The following PTPRK variants were observed in gnomAD, a reference collection of about 807,000 sequenced individuals.
The protein encoded by PTPRK is protein tyrosine phosphatase receptor type K.
PTPRK carries 75 observed loss-of-function variants against 178.0 expected under a neutral mutation model. The ratio of observed to expected loss-of-function variants is 0.42; its 90% CI spans 0.35 to 0.51. The LOEUF is 0.51. Among genes scored for constraint, PTPRK ranks in the 20% least tolerant of loss-of-function variants. The pLI is 0.02. For synonymous variants in PTPRK, 637 were observed against 620.6 expected (o/e 1.03, Z -0.39); for missense variants, 1,441 against 1,797.8 (o/e 0.80, Z 3.59).
chr6:128,326,904 GTAAA>G (rs1829658428), intron 2 of PTPRK, among the ~76,000 whole-genome samples: 1 of 151,830 alleles, frequency 6.6e-6, no homozygotes. Context: ...ATGATAAATA[GTAAA>G]TAAACACAAG....
chr6:128,220,219 T>G (rs1010788929), intron 5 of PTPRK, among the ~76,000 whole-genome samples: 1 of 151,962 alleles, frequency 6.6e-6, no homozygotes, highest in African/African-American at 2.4e-5. Context: ...GAAATACCCA[T>G]CAAGGAATAA....
chr6:128,131,611 C>A (rs1035182221), intron 7 of PTPRK, among the ~76,000 whole-genome samples: 5 of 152,178 alleles, frequency 3.3e-5, no homozygotes, highest in Non-Finnish European at 5.9e-5. Context: ...GTCCCTCTGA[C>A]CAGAAGTAAA....
Position 128,211,013 on chromosome 6 carries a change from G to T in PTPRK, c.868+7909C>A, listed in dbSNP as rs142839074. ...TAGGGCTCAGAAAACAGAAACTGGA[G>T]AGCAAAAGAAAGTTATGTGCCTATA... On this transcript the variant is annotated intron_variant, in intron 6 of 29. Transcript: ENST00000368226. Among the ~76,000 whole-genome samples, 514 of 152,178 alleles carry T rather than the reference G, an allele frequency of 3.4e-3. 2 individuals carry two copies. Among genetic ancestry groups the T allele is most frequent in the African/African-American group, 0.012 (483 of 41,542 alleles).
chr6:128,006,031 G>A lies in PTPRK; in HGVS notation c.2334-787C>T, dbSNP rs375714285. On this transcript the variant is annotated intron_variant, in intron 14 of 29. Transcript: ENST00000368226. ...ATCACCCATTTTCTACTTACAGGTA[G>A]TAGGAGTAAGAATAGTAGCTCCTCC... 3.5e-3 allele frequency: 5,418 copies of A among 1,566,740 alleles called. 22 individuals are homozygous for A. The highest frequency in any genetic ancestry group is 4.2e-3 in the Non-Finnish European group (4,803 of 1,147,024).
Position 128,048,454 on chromosome 6 carries a change from C to T in PTPRK, c.2194+16304G>A, listed in dbSNP as rs117801714. The stretch of plus-strand genomic sequence containing the variant: ...TTCCCTCTGCCTCTAATGCTCCTGC[C>T]CTACATGGGTGATGCCCTCATTCCC... On this transcript the variant is annotated intron_variant, in intron 13 of 29. Coordinates refer to ENST00000368226, the MANE Select transcript of PTPRK (RefSeq NM_002844.4). Among the ~76,000 whole-genome samples the T allele has an allele frequency of 3.4e-3, 522 of 152,240 alleles. 3 individuals carry two copies. Among genetic ancestry groups the T allele is most frequent in the African/African-American group, 0.011 (465 of 41,514 alleles).
At chr6:128,277,555 C>T (rs759500656) in intron 3 of PTPRK, among the ~76,000 whole-genome samples, 6 of 152,076 alleles carry the variant, frequency 3.9e-5, no homozygotes, top group Non-Finnish European at 8.8e-5. Flanking sequence ...CCCTGACTCT[C>T]GAAACAGTAA....
At chr6:128,316,709 CTT>C (rs11296650) in intron 3 of PTPRK, among the ~76,000 whole-genome samples, 546 of 133,462 alleles carry the variant, frequency 4.1e-3, no homozygotes, top group Middle Eastern at 7.7e-3. Flanking sequence ...TAAGCTTTTT[CTT>C]TTTTTTTTTT....
chr6:128,057,536 T>C (rs1780105252), intron 13 of PTPRK, among the ~76,000 whole-genome samples: 1 of 152,230 alleles, frequency 6.6e-6, no homozygotes, highest in African/African-American at 2.4e-5. Flanking sequence ...ACCGAGTCTC[T>C]AATAAGCTTT....
At chr6:128,473,432 T>C (rs9402043) in intron 1 of PTPRK, among the ~76,000 whole-genome samples, 1 of 146,006 alleles carries the variant, frequency 6.8e-6, no homozygotes, top group Non-Finnish European at 1.5e-5. Context: ...TTTTTTTGCC[T>C]TGCAATTAAC....
At chr6:128,432,952 CCTTTATT>C (rs941791681) in intron 1 of PTPRK, among the ~76,000 whole-genome samples, 1 of 151,440 alleles carries the variant, frequency 6.6e-6, no homozygotes, top group African/African-American at 2.4e-5. Flanking sequence ...AATATTTTAT[CCTTTATT>C]CTTTATTATT....
chr6:128,312,102 G>A (rs1396046104), intron 3 of PTPRK, among the ~76,000 whole-genome samples: 1 of 152,294 alleles, frequency 6.6e-6, no homozygotes, highest in African/African-American at 2.4e-5. Flanking sequence ...GTAGACTGAG[G>A]TGAAGAAACC....
chr6:128,427,897 C>G (rs1584668959), intron 1 of PTPRK, among the ~76,000 whole-genome samples: 1 of 152,160 alleles, frequency 6.6e-6, no homozygotes, highest in African/African-American at 2.4e-5. Flanking sequence ...TCGAGAGCAT[C>G]CTGGCCAACA....
At chr6:128,400,495 G>A (rs1405420114) in intron 1 of PTPRK, among the ~76,000 whole-genome samples, 1 of 152,060 alleles carries the variant, frequency 6.6e-6, no homozygotes, top group Non-Finnish European at 1.5e-5. Flanking sequence ...TTCTACAGCT[G>A]TATTAAAATC....
chr6:128,032,618 T>C (rs896321663), intron 13 of PTPRK, among the ~76,000 whole-genome samples: 6 of 152,180 alleles, frequency 3.9e-5, no homozygotes, highest in African/African-American at 7.2e-5. Flanking sequence ...AACTGTCAAC[T>C]TAACTGTAAG....
chr6:128,196,502 C>A (rs893064506), intron 6 of PTPRK, among the ~76,000 whole-genome samples: 2 of 152,122 alleles, frequency 1.3e-5, no homozygotes, highest in Non-Finnish European at 2.9e-5. Flanking sequence ...TATTTCAACT[C>A]CCCTTGAACA....
intron 6 of PTPRK, among the ~76,000 whole-genome samples, chr6:128,192,740 TG>T (rs1243286339): frequency 6.7e-6 from 1 of 149,232 alleles, no homozygotes; most frequent in Non-Finnish European, 1.5e-5. Context: ...CACCTGAGCC[TG>T]GGAAAGTTGA....
chr6:128,284,463 G>A (rs1439020841), intron 3 of PTPRK, among the ~76,000 whole-genome samples: 2 of 152,158 alleles, frequency 1.3e-5, no homozygotes, highest in African/African-American at 4.8e-5. Flanking sequence ...TGAGAGGACA[G>A]AAATTCTCTC....
At chr6:128,204,342 C>A (rs961143087) in intron 6 of PTPRK, among the ~76,000 whole-genome samples, 1 of 152,064 alleles carries the variant, frequency 6.6e-6, no homozygotes, top group Non-Finnish European at 1.5e-5. Flanking sequence ...CTAGGCAATA[C>A]CATTCAGGAC....
chr6:128,415,034 C>T (rs1196681560), intron 1 of PTPRK, among the ~76,000 whole-genome samples: 1 of 152,110 alleles, frequency 6.6e-6, no homozygotes, highest in Non-Finnish European at 1.5e-5. Flanking sequence ...TTATCCGATT[C>T]CAAAGCTTGT....
Sources: gnomAD v4.1 joint callset for allele counts (sites outside exome capture counted in the v4.1 genomes callset) on GRCh38, gnomAD v4.1.1 for gene constraint, MANE v1.5 for transcripts, NCBI Gene and HGNC (gene_info 2026-07-23, HGNC 2026-07-21) for gene names.